ZNF140: variants seen among roughly 807,000 people sequenced by gnomAD.
ZNF140 encodes the protein zinc finger protein 140 (clone pHZ-39).
In ZNF140, 13 loss-of-function variants were observed where a neutral mutation model predicts 12.9. The ratio of observed to expected loss-of-function variants is 1.01; its 90% confidence interval spans 0.66 to 1.60. The LOEUF is 1.60. ZNF140 is among the 40% of genes most tolerant of loss of function. ZNF140 has a pLI of 0.00. For synonymous variants in ZNF140, 214 were observed against 186.7 expected (o/e 1.15, Z -1.19); for missense variants, 531 against 548.8 (o/e 0.97, Z 0.32).
chr12:133,081,175 C>T (rs1954462927), intron 1 of ZNF140, 98 bp from the exon 2 acceptor site: 2 of 380,936 alleles, frequency 5.3e-6, no homozygotes, highest in Non-Finnish European at 1.0e-5. Context: ...GTGGGAGGCG[C>T]GGAGCGGGGG....
intron 4 of ZNF140, among the ~76,000 whole-genome samples, chr12:133,103,878 G>C (rs1955459957): frequency 6.6e-6 from 1 of 152,190 alleles, no homozygotes. Context: ...GTTTAAAGAA[G>C]AGGCAAGAAA....
At chr12:133,098,725 GAC>G (rs1202776314) in intron 4 of ZNF140, among the ~76,000 whole-genome samples, 1 of 151,984 alleles carries the variant, frequency 6.6e-6, no homozygotes, top group Non-Finnish European at 1.5e-5. Context: ...ATTTTTTTGA[GAC>G]AGAGTCTCGC....
intron 2 of ZNF140, chr12:133,081,835 G>A (rs1284657596): frequency 8.4e-6 from 2 of 238,060 alleles, no homozygotes; most frequent in Non-Finnish European, 1.7e-5. Flanking sequence ...ACTTTCAGTG[G>A]TTCCCACAGT....
At chr12:133,080,654 C>T (rs1238012201), upstream of ZNF140, 1 of 152,316 alleles carries the variant, frequency 6.6e-6, no homozygotes, top group Non-Finnish European at 1.5e-5. Flanking sequence ...GAGGATAGCC[C>T]CTATGCTCTG....
At chr12:133,105,432 G>A (rs928731179) in intron 4 of ZNF140, 78 bp from the exon 5 acceptor site, 2 of 1,409,946 alleles carry the variant, frequency 1.4e-6, no homozygotes, top group African/African-American at 2.9e-5. Flanking sequence ...TCATTCTGTT[G>A]CTAAAGAAGG....
At chr12:133,085,705 G>T (rs1954651376) in intron 4 of ZNF140, among the ~76,000 whole-genome samples, 1 of 152,132 alleles carries the variant, frequency 6.6e-6, no homozygotes. Flanking sequence ...TTATTGATTT[G>T]CTTCTCAAAA....
intron 4 of ZNF140, among the ~76,000 whole-genome samples, chr12:133,090,862 T>TAGG: frequency 7.7e-6 from 1 of 129,152 alleles, no homozygotes; most frequent in South Asian, 2.5e-4. Context: ...GTGCATGTAA[T>TAGG]CCAGATTTAT....
In ZNF140 at chr12:133,106,132, C is replaced by T; in HGVS notation, c.855C>T (p.Gly285=). The change falls in exon 5 of 5, where the codon GGC becomes GGT. Residue 285 remains glycine, a synonymous_variant. Coordinates refer to ENST00000355557, the MANE Select transcript of ZNF140 (RefSeq NM_003440.4). ...AATGTGGTAAAGCATTTAGCAGTGG[C>T]TCAGAACTCATTCGCCACCAGATTA... The part of the protein sequence containing the change: ...CRKCGKAFSS[G]SELIRHQITH... The T allele has an allele frequency of 3.7e-6, 6 of 1,614,130 alleles. No homozygotes were observed. Among genetic ancestry groups the T allele is most frequent in the Non-Finnish European group, 5.1e-6 (6 of 1,180,018 alleles).
intron 4 of ZNF140, chr12:133,101,075 TTC>T (rs1955330180): frequency 9.8e-5 from 39 of 398,366 alleles, no homozygotes; most frequent in South Asian, 7.0e-4. Context: ...TTCCTTTGAC[TTC>T]TTTTTTCTTT....
At position 133,093,435 on chromosome 12, in the gene ZNF140, G is replaced by A. The variant is rs775400666; in HGVS notation, c.232+9874G>A. 1.0e-5 allele frequency: 7 copies of A among 699,564 alleles called. No homozygotes were observed. In the African/African-American group the frequency reaches 1.2e-4, roughly 12 times the overall value. The allele number at this position is 699,564 out of a possible 1,614,324, so 43.3% of individuals were successfully genotyped here. On this transcript the variant is annotated intron_variant, in intron 4 of 4. Transcript: ENST00000355557. ...TCCAGGCTTTTTTTCAGCTAACTGT[G>A]TCAGCTTCTTTAGCTGGGCCCATGT...
intron 4 of ZNF140, chr12:133,100,959 AT>A: frequency 6.6e-6 from 3 of 453,664 alleles, no homozygotes; most frequent in Non-Finnish European, 1.3e-5. Flanking sequence ...GGAATTTTCT[AT>A]TTAATACTTT....
chr12:133,091,004 A>G (rs1954853832), intron 4 of ZNF140, among the ~76,000 whole-genome samples: 1 of 149,008 alleles, frequency 6.7e-6, no homozygotes, highest in Non-Finnish European at 1.5e-5. Flanking sequence ...ATCGGGTTTT[A>G]TACCGAGACA....
intron 4 of ZNF140, among the ~76,000 whole-genome samples, chr12:133,095,704 A>C (rs975755723): frequency 1.3e-5 from 2 of 151,792 alleles, no homozygotes; most frequent in South Asian, 2.1e-4. Context: ...GCAGGGTGAT[A>C]ATAAGGAGAA....
At position 133,106,033 on chromosome 12, in the gene ZNF140, G is replaced by A; in HGVS notation, c.756G>A (p.Lys252=). 6.2e-7 allele frequency: 1 copy of A among 1,614,092 alleles called. No individual in the cohort carries two copies. Among genetic ancestry groups the A allele is most frequent in the South Asian group, 1.1e-5 (1 of 91,064 alleles). The stretch of plus-strand genomic sequence containing the variant: ...CTTATGAATGTACTGAGTGTGGAAA[G>A]GCCTTTAGCCGTGCCTCCAACCTCA... ...EKPYECTECG[K]AFSRASNLTR... is the part of the protein sequence containing the mutation. The change falls in exon 5 of 5, where the codon AAG becomes AAA. Residue 252 remains lysine, a synonymous_variant. Transcript: ENST00000355557.
chr12:133,093,300 T>C, intron 4 of ZNF140: 1 of 612,472 alleles, frequency 1.6e-6, no homozygotes, highest in South Asian at 1.9e-5. Context: ...GCCCAGTAAG[T>C]ATAGTTAGTT....
In ZNF140 at chr12:133,107,098, C is replaced by T. The variant is rs1404723343; in HGVS notation, c.*447C>T. ...GATGCACTTTGGAGATCAGAAAATTCATATTTAAGCAAAGTGATACAAACA... is the reference window on the plus strand; with the variant it reads ...GATGCACTTTGGAGATCAGAAAATTTATATTTAAGCAAAGTGATACAAACA... On this transcript the variant is annotated 3_prime_UTR_variant, in exon 5 of 5. Transcript: ENST00000355557. The T allele has an allele frequency of 1.3e-5, 2 of 153,396 alleles. No individual in the cohort carries two copies. Among genetic ancestry groups the T allele is most frequent in the African/African-American group, 2.4e-5 (1 of 41,446 alleles). 9.5% of individuals were successfully genotyped at this position (153,396 alleles called of 1,614,324 possible).
chr12:133,090,967 A>C (rs201957849), intron 4 of ZNF140, among the ~76,000 whole-genome samples: 8,845 of 140,842 alleles, frequency 0.063, 221 homozygotes, highest in South Asian at 0.13. Context: ...CGGTTTTGCT[A>C]CTATCTCAGA....
Position 133,091,974 on chromosome 12 carries a change from TCATGAG to T in ZNF140, c.232+8415_232+8420del, listed in dbSNP as rs1954906703. The stretch of plus-strand genomic sequence containing the variant: ...ACTAACTGAAAAAGATATTCCAGGC[TCATGAG>T]CCTATCTCCCATCCAAATGACAGTT... On this transcript the variant is annotated intron_variant, in intron 4 of 4. Transcript: ENST00000355557. Among the ~76,000 whole-genome samples the T allele has an allele frequency of 1.3e-5, 2 of 151,162 alleles. 1 individual carries two copies. Among genetic ancestry groups the T allele is most frequent in the Non-Finnish European group, 2.9e-5 (2 of 67,848 alleles).
At chr12:133,087,445 G>C (rs1159963119) in intron 4 of ZNF140, among the ~76,000 whole-genome samples, 1 of 151,778 alleles carries the variant, frequency 6.6e-6, no homozygotes, top group Non-Finnish European at 1.5e-5. Flanking sequence ...CATATTCCTA[G>C]GCCCCACCCT....
Sources: allele counts gnomAD v4.1 joint callset (sites outside exome capture counted in the v4.1 genomes callset), GRCh38; gene constraint gnomAD v4.1.1; transcripts MANE v1.5; gene names NCBI Gene and HGNC (gene_info 2026-07-23, HGNC 2026-07-21).